The following TRPM3 variants were observed in gnomAD, a reference collection of about 807,000 sequenced individuals.
TRPM3 encodes transient receptor potential cation channel subfamily M member 3.
TRPM3 carries 77 observed loss-of-function variants against 181.2 expected under a neutral mutation model. The ratio of observed to expected loss-of-function variants is 0.42; its 90% CI spans 0.35 to 0.51. The LOEUF (loss-of-function observed/expected upper bound fraction) is 0.51. Among genes scored for constraint, TRPM3 ranks in the 20% least tolerant of loss-of-function variants. TRPM3 has a pLI of 0.01. For synonymous variants in TRPM3, 745 were observed against 796.4 expected (o/e 0.94, Z 1.09); for missense variants, 1,759 against 2,196.7 (o/e 0.80, Z 3.98).
chr9:70,884,024 G>T (rs1036368161), intron 1 of TRPM3, among the ~76,000 whole-genome samples: 1 of 152,084 alleles, frequency 6.6e-6, no homozygotes. Flanking sequence ...ACATGTGTGG[G>T]TCTTGATGTC....
chr9:71,059,771 T>G (rs2061094763), intron 1 of TRPM3, among the ~76,000 whole-genome samples: 1 of 152,026 alleles, frequency 6.6e-6, no homozygotes, highest in African/African-American at 2.4e-5. Flanking sequence ...CCTACATATT[T>G]TGGACTTGCC....
At chr9:70,579,861 T>C (rs946495540) in intron 22 of TRPM3, among the ~76,000 whole-genome samples, 5 of 152,148 alleles carry the variant, frequency 3.3e-5, no homozygotes, top group Non-Finnish European at 7.4e-5. Flanking sequence ...CCACACCCTG[T>C]CTCACTTTTC....
chr9:71,022,664 C>T (rs554132005), intron 1 of TRPM3, among the ~76,000 whole-genome samples: 36 of 152,032 alleles, frequency 2.4e-4, no homozygotes, highest in Admixed American at 1.8e-3. Context: ...CACCATTGCA[C>T]GCCAGCCTGT....
At chr9:70,614,660 T>C (rs150909304) in intron 18 of TRPM3, among the ~76,000 whole-genome samples, 3 of 152,316 alleles carry the variant, frequency 2.0e-5, no homozygotes, top group East Asian at 3.9e-4. Context: ...GGCACACTTT[T>C]TACACGAGAC....
intron 1 of TRPM3, among the ~76,000 whole-genome samples, chr9:71,037,369 C>T (rs1463454501): frequency 1.3e-5 from 2 of 152,170 alleles, no homozygotes; most frequent in African/African-American, 2.4e-5. Context: ...AACACAAATC[C>T]AACAGTTTGA....
At chr9:70,940,460 C>G (rs1336830297) in intron 1 of TRPM3, among the ~76,000 whole-genome samples, 3 of 152,166 alleles carry the variant, frequency 2.0e-5, no homozygotes, top group Admixed American at 2.0e-4. Flanking sequence ...CTTGCTCTTG[C>G]TGGTTCATCG....
At chr9:71,217,177 C>G (rs2079940380) in intron 1 of TRPM3, among the ~76,000 whole-genome samples, 3 of 151,828 alleles carry the variant, frequency 2.0e-5, no homozygotes, top group African/African-American at 4.8e-5. Flanking sequence ...GTCTCGATCT[C>G]CTGACCTCGT....
chr9:71,096,604 T>A (rs1220128039), intron 1 of TRPM3, among the ~76,000 whole-genome samples: 7 of 148,984 alleles, frequency 4.7e-5, no homozygotes, highest in Admixed American at 6.7e-5. Context: ...TCTCTCTCTC[T>A]CTCTCTCTCT....
intron 1 of TRPM3, among the ~76,000 whole-genome samples, chr9:71,314,736 G>C (rs1486509503): frequency 6.6e-6 from 1 of 152,042 alleles, no homozygotes; most frequent in Admixed American, 6.6e-5. Context: ...TAATTTGAAG[G>C]CTTTTCTAAT....
chr9:71,208,600 CT>C (rs2079275044), intron 1 of TRPM3, among the ~76,000 whole-genome samples: 1 of 152,114 alleles, frequency 6.6e-6, no homozygotes, highest in Non-Finnish European at 1.5e-5. Context: ...TTACTTAGAT[CT>C]TTGAAGTCAA....
intron 1 of TRPM3, among the ~76,000 whole-genome samples, chr9:71,426,902 C>A (rs1344195531): frequency 6.6e-6 from 1 of 151,788 alleles, no homozygotes. Context: ...TGCTTATCTC[C>A]TTTTTATGTC....
At chr9:71,081,456 T>C (rs1378688159) in intron 1 of TRPM3, among the ~76,000 whole-genome samples, 2 of 152,166 alleles carry the variant, frequency 1.3e-5, no homozygotes, top group Non-Finnish European at 2.9e-5. Flanking sequence ...AATTCTTACA[T>C]TGGTGCCCAG....
At chr9:71,427,120 C>T (rs753588044) in intron 1 of TRPM3, among the ~76,000 whole-genome samples, 1 of 152,114 alleles carries the variant, frequency 6.6e-6, no homozygotes, top group Non-Finnish European at 1.5e-5. Context: ...ACAATAATGC[C>T]TTACGGTATT....
chr9:71,016,697 A>T (rs538030473), intron 1 of TRPM3, among the ~76,000 whole-genome samples: 1 of 152,226 alleles, frequency 6.6e-6, no homozygotes, highest in South Asian at 2.1e-4. Context: ...TCTTTTGGCT[A>T]TTGTGAATAA....
At chr9:70,935,251 C>T (rs569715870) in intron 1 of TRPM3, among the ~76,000 whole-genome samples, 79 of 152,172 alleles carry the variant, frequency 5.2e-4, no homozygotes, top group African/African-American at 1.9e-3. Flanking sequence ...GTAATACTTA[C>T]TGGGTTGTGT....
intron 5 of TRPM3, among the ~76,000 whole-genome samples, chr9:70,828,730 C>A (rs1554728594): frequency 8.6e-6 from 1 of 116,516 alleles, no homozygotes. Context: ...AAAAGAACAG[C>A]AATACCTATT....
At chr9:70,783,603 T>C (rs1588282574) in intron 7 of TRPM3, among the ~76,000 whole-genome samples, 1 of 152,222 alleles carries the variant, frequency 6.6e-6, no homozygotes, top group East Asian at 1.9e-4. Context: ...ATTACAGAGA[T>C]TTGACTTTCC....
chr9:70,739,536 A>G (rs1042519740), intron 8 of TRPM3, among the ~76,000 whole-genome samples: 4 of 152,190 alleles, frequency 2.6e-5, no homozygotes, highest in Non-Finnish European at 5.9e-5. Context: ...TGAATGAGGA[A>G]AAGTTGAAAG....
At chr9:70,585,062 T>C (rs1436594898) in intron 22 of TRPM3, among the ~76,000 whole-genome samples, 1 of 152,214 alleles carries the variant, frequency 6.6e-6, no homozygotes, top group East Asian at 1.9e-4. Context: ...TCTACTGCAT[T>C]GTGCTTTCTC....
Sources: gnomAD v4.1 joint callset for allele counts (sites outside exome capture counted in the v4.1 genomes callset) on GRCh38, gnomAD v4.1.1 for gene constraint, MANE v1.5 for transcripts, NCBI Gene and HGNC (gene_info 2026-07-23, HGNC 2026-07-21) for gene names.